TPMT: variants seen among roughly 807,000 people sequenced by gnomAD.
The protein encoded by TPMT is thiopurine S-methyltransferase, also known as S-adenosyl-L-methionine:thiopurine S-methyltransferase.
Under a neutral mutation model 34.2 loss-of-function variants are expected in TPMT, and 18 were observed. The ratio of observed to expected loss-of-function variants is 0.53; its 90% CI spans 0.36 to 0.78. The LOEUF is 0.78. Ranked by LOEUF, TPMT falls within the 30% of genes least tolerant of loss-of-function variation. TPMT has a pLI of 0.00. For synonymous variants in TPMT, 69 were observed against 92.4 expected, an observed-to-expected ratio of 0.75 and a Z score of 1.45; for missense variants, 265 against 288.1, an observed-to-expected ratio of 0.92 and a Z score of 0.58.
chr6:18,144,728 ATT>A, intron 3 of TPMT, among the ~76,000 whole-genome samples: 1 of 149,346 alleles, frequency 6.7e-6, no homozygotes, highest in East Asian at 2.0e-4. Context: ...CTCAAAAAAA[ATT>A]TTTTTTTTGA....
chr6:18,145,818 T>C lies in TPMT; in HGVS notation c.233+2005A>G, dbSNP rs1035315446. 6.6e-6 allele frequency among the ~76,000 whole-genome samples: 1 copy of C among 152,136 alleles called. No homozygotes were observed. The highest frequency in any genetic ancestry group is 2.4e-5 in the African/African-American group (1 of 41,438). ...AAATGAAGCATAGCCTACTACAACC[T>C]GTAATAAAAACAAAATAAGACCAAG... On this transcript the variant is annotated intron_variant, in intron 3 of 8. Coordinates refer to ENST00000309983, the MANE Select transcript of TPMT (RefSeq NM_000367.5). This position sits in a 1 kb window ranked among gnomAD's most constrained non-coding sequence, Gnocchi z 5.6.
At position 18,143,569 on chromosome 6, in the gene TPMT, C is replaced by T; in HGVS notation, c.366+27G>A. The stretch of plus-strand genomic sequence containing the variant: ...AAAAACTTTTGTGGGGATATGGATA[C>T]AATTATTTACCCAAATCAAAACAAA... On this transcript the variant is annotated intron_variant, in intron 4 of 8. Transcript: ENST00000309983. This position sits in a 1 kb window ranked among gnomAD's most constrained non-coding sequence, Gnocchi z 6.1. The T allele has an allele frequency of 6.2e-7, 1 of 1,611,598 alleles. No homozygotes were observed. The highest frequency in any genetic ancestry group is 8.5e-7 in the Non-Finnish European group (1 of 1,179,790).
rs1479618082 is a variant in TPMT at position 18,143,306 on chromosome 6, G to A, written c.366+290C>T. On this transcript the variant is annotated intron_variant, in intron 4 of 8. Transcript: ENST00000309983. The surrounding 1 kb of genome is among the most constrained non-coding windows in gnomAD (Gnocchi z 6.1). ...CTCTTCAATGTCTTAGGCAGGGTCT[G>A]GCACATGATGGGTTCTCAGAAAATG... Among the ~76,000 whole-genome samples the A allele has an allele frequency of 1.3e-5, 2 of 152,118 alleles. No homozygotes were observed. The highest frequency in any genetic ancestry group is 2.9e-5 in the Non-Finnish European group (2 of 68,018).
intron 4 of TPMT, among the ~76,000 whole-genome samples, chr6:18,142,790 C>T (rs1384938376): frequency 1.3e-5 from 2 of 152,108 alleles, no homozygotes; most frequent in Non-Finnish European, 2.9e-5. Flanking sequence ...TCTTGACCAT[C>T]CAGCCAGTCA....
rs756125755 is a variant in TPMT, at chr6:18,130,804, T to C, written c.626-24A>G. ...ACCTGAAACAAGAAAGAGTAACATG[T>C]TAAAATACTATGAAGAATGACATCA... On this transcript the variant is annotated intron_variant, in intron 8 of 8. Coordinates refer to ENST00000309983, the MANE Select transcript of TPMT (RefSeq NM_000367.5). The surrounding 1 kb of genome is among the most constrained non-coding windows in gnomAD (Gnocchi z 4.2). 6.4e-7 allele frequency: 1 copy of C among 1,558,702 alleles called. No homozygotes were observed. The highest frequency in any genetic ancestry group is 1.7e-5 in the Admixed American group (1 of 59,918).
At position 18,129,875 on chromosome 6, in the gene TPMT, C is replaced by T. The variant is rs1235038785; in HGVS notation, c.*793G>A. 6.6e-6 allele frequency: 1 copy of T among 152,030 alleles called. No homozygotes were observed. The highest frequency in any genetic ancestry group is 1.5e-5 in the Non-Finnish European group (1 of 67,984). The allele number at this position is 152,030 out of a possible 1,614,324, so 9.4% of individuals were successfully genotyped here. Reference sequence around the variant, plus strand: ...TGGAGAAACCATGTGAAAAGGGATGCTAGGATCTGAGTAAAAGACAAGGGT... The same window carrying T: ...TGGAGAAACCATGTGAAAAGGGATGTTAGGATCTGAGTAAAAGACAAGGGT... On this transcript the variant is annotated 3_prime_UTR_variant, in exon 9 of 9. Coordinates refer to ENST00000309983, the MANE Select transcript of TPMT (RefSeq NM_000367.5).
rs1379653899 is a variant in TPMT, at chr6:18,143,524, C to T, written c.366+72G>A. ...AACCATCGGACACATGAATGGTATC[C>T]TCATAATACTCACACTGAGAAAAAC... is the stretch of plus-strand genomic sequence containing the variant. On this transcript the variant is annotated intron_variant, in intron 4 of 8. Transcript: ENST00000309983. This position sits in a 1 kb window ranked among gnomAD's most constrained non-coding sequence, Gnocchi z 6.1. The T allele has an allele frequency of 8.2e-6, 13 of 1,582,978 alleles. No homozygotes were observed. Among genetic ancestry groups the T allele is most frequent in the African/African-American group, 2.7e-5 (2 of 74,212 alleles).
chr6:18,133,497 T>G (rs899878761), intron 7 of TPMT, among the ~76,000 whole-genome samples: 24 of 152,234 alleles, frequency 1.6e-4, no homozygotes, highest in Admixed American at 1.6e-3. Flanking sequence ...ACATTCCTCC[T>G]TCTTCCCAAT....
At chr6:18,142,811 A>G (rs574209800) in intron 4 of TPMT, among the ~76,000 whole-genome samples, 1 of 152,220 alleles carries the variant, frequency 6.6e-6, no homozygotes, top group African/African-American at 2.4e-5. Flanking sequence ...TCTGAGCCAG[A>G]AATGTGAACT....
In TPMT at chr6:18,130,715, C is replaced by T; in HGVS notation, c.691G>A (p.Gly231Arg). 1 of 1,613,150 alleles carries T rather than the reference C, an allele frequency of 6.2e-7. No homozygotes were observed. Among genetic ancestry groups the T allele is most frequent in the Non-Finnish European group, 8.5e-7 (1 of 1,179,898 alleles). Reference sequence around the variant, plus strand: ...AACTTTTCAAAAAGACAGTCAATTCCCCAACTTTTATGTCGTTCTTCAAAA... The same window carrying T: ...AACTTTTCAAAAAGACAGTCAATTCTCCAACTTTTATGTCGTTCTTCAAAA... ...DAFEERHKSWGIDCLFEKLYL... is the reference protein window; with the variant it reads ...DAFEERHKSWRIDCLFEKLYL... Residue 231 changes from glycine (G) to arginine (R), a missense_variant, in exon 9 of 9, where the codon GGA becomes AGA. Transcript: ENST00000309983. The surrounding 1 kb of genome is among the most constrained non-coding windows in gnomAD (Gnocchi z 4.2).
Position 18,130,797 on chromosome 6 carries a change from T to C in TPMT, c.626-17A>G, listed in dbSNP as rs1464667644. ...ATATTTTACCTGAAACAAGAAAGAG[T>C]AACATGTTAAAATACTATGAAGAAT... On this transcript the variant is annotated splice_polypyrimidine_tract_variant and intron_variant, in intron 8 of 8. Coordinates refer to ENST00000309983, the MANE Select transcript of TPMT (RefSeq NM_000367.5). This position sits in a 1 kb window ranked among gnomAD's most constrained non-coding sequence, Gnocchi z 4.2. 3 of 1,571,102 alleles carry C rather than the reference T, an allele frequency of 1.9e-6. No individual in the cohort carries two copies. The highest frequency in any genetic ancestry group is 2.6e-6 in the Non-Finnish European group (3 of 1,141,578).
chr6:18,155,082 C>T (rs1186028879), upstream of TPMT: 1 of 146,642 alleles, frequency 6.8e-6, no homozygotes, highest in African/African-American at 2.6e-5. The surrounding 1 kb of genome is among the most constrained non-coding windows in gnomAD (Gnocchi z 6.2). Flanking sequence ...AATGACGTCC[C>T]CAGGGGCGGG....
chr6:18,139,466 G>A lies in TPMT; in HGVS notation c.419+199C>T, dbSNP rs974484528. Among the ~76,000 whole-genome samples, 1 of 152,104 alleles carries A rather than the reference G, an allele frequency of 6.6e-6. No individual in the cohort carries two copies. Among genetic ancestry groups the A allele is most frequent in the Admixed American group, 6.6e-5 (1 of 15,266 alleles). On this transcript the variant is annotated intron_variant, in intron 5 of 8. Coordinates refer to ENST00000309983, the MANE Select transcript of TPMT (RefSeq NM_000367.5). The surrounding 1 kb of genome is among the most constrained non-coding windows in gnomAD (Gnocchi z 4.2). ...TAGCTGCCTCAGTTTCCCATAGTTT[G>A]GGAGCTAACCAAAGACAAAACACAT...
chr6:18,153,075 A>G lies in TPMT; in HGVS notation c.-45+1958T>C, dbSNP rs180784470. Among the ~76,000 whole-genome samples the G allele has an allele frequency of 7.2e-5, 11 of 152,282 alleles. No individual in the cohort carries two copies. Among genetic ancestry groups the G allele is most frequent in the Admixed American group, 5.9e-4 (9 of 15,290 alleles). On this transcript the variant is annotated intron_variant, in intron 1 of 8. Transcript: ENST00000309983. This position sits in a 1 kb window ranked among gnomAD's most constrained non-coding sequence, Gnocchi z 4.2. ...CATGGGTACTTTCCTCCTTTCATAA[A>G]TATTCATGAGTCATCCTACAGCTTA...
rs1230963978 is a variant in TPMT at position 18,143,108 on chromosome 6, T to G, written c.366+488A>C. Among the ~76,000 whole-genome samples the G allele has an allele frequency of 1.3e-5, 2 of 152,202 alleles. No individual in the cohort carries two copies. The highest frequency in any genetic ancestry group is 4.8e-5 in the African/African-American group (2 of 41,462). On this transcript the variant is annotated intron_variant, in intron 4 of 8. Coordinates refer to ENST00000309983, the MANE Select transcript of TPMT (RefSeq NM_000367.5). The surrounding 1 kb of genome is among the most constrained non-coding windows in gnomAD (Gnocchi z 6.1). ...ATTCCAGCTCTATCTGTCACCATGC[T>G]TCAGGAAGCACCGCCAGGTTGGGCA...
Position 18,154,181 on chromosome 6 carries a change from G to T in TPMT, c.-45+852C>A, listed in dbSNP as rs1784423942. 6.6e-6 allele frequency among the ~76,000 whole-genome samples: 1 copy of T among 152,094 alleles called. No individual in the cohort carries two copies. On this transcript the variant is annotated intron_variant, in intron 1 of 8. Coordinates refer to ENST00000309983, the MANE Select transcript of TPMT (RefSeq NM_000367.5). This position sits in a 1 kb window ranked among gnomAD's most constrained non-coding sequence, Gnocchi z 4.2. ...TCTTAGCTGTTCTAACAGTTTCTCAGCATGGACTCCACTTGTATACATCAT... is the reference window on the plus strand; with the variant it reads ...TCTTAGCTGTTCTAACAGTTTCTCATCATGGACTCCACTTGTATACATCAT...
intron 7 of TPMT, 71 bp downstream of exon 7, chr6:18,133,733 C>A (rs1222537963): frequency 3.6e-6 from 4 of 1,123,206 alleles, no homozygotes; most frequent in African/African-American, 1.6e-5. Flanking sequence ...TAATTCTTAT[C>A]CATGTCATAG....
In TPMT at chr6:18,131,306, T is replaced by C. The variant is rs1266067882; in HGVS notation, c.626-526A>G. Among the ~76,000 whole-genome samples, 4 of 152,108 alleles carry C rather than the reference T, an allele frequency of 2.6e-5. No homozygotes were observed. The highest frequency in any genetic ancestry group is 3.9e-4 in the East Asian group (2 of 5,184). On this transcript the variant is annotated intron_variant, in intron 8 of 8. Coordinates refer to ENST00000309983, the MANE Select transcript of TPMT (RefSeq NM_000367.5). The surrounding 1 kb of genome is among the most constrained non-coding windows in gnomAD (Gnocchi z 4.3). ...GTAAAAATAAATACACCACTGGGCA[T>C]GGCGGCTCATGCCTCTAATCCCAGT... is the stretch of plus-strand genomic sequence containing the variant.
rs748335791 is a variant in TPMT at position 18,149,074 on chromosome 6, T to C, written c.54A>G (p.Val18=). 9 of 1,614,078 alleles carry C rather than the reference T, an allele frequency of 5.6e-6. No individual in the cohort carries two copies. Among genetic ancestry groups the C allele is most frequent in the Non-Finnish European group, 7.6e-6 (9 of 1,180,036 alleles). The change falls in exon 2 of 9, where the codon GTA becomes GTG. Residue 18 remains valine (V), a synonymous_variant. Transcript: ENST00000309983. This position sits in a 1 kb window ranked among gnomAD's most constrained non-coding sequence, Gnocchi z 5.0. The part of the protein sequence containing the change: ...LDIEEYSDTE[V]QKNQVLTLEE... ...CCAGAGTTAGTACTTGGTTTTTCTG[T>C]ACCTCAGTATCCGAGTACTCTTCAA...
Sources: allele counts gnomAD v4.1 joint callset (sites outside exome capture counted in the v4.1 genomes callset), GRCh38; gene constraint gnomAD v4.1.1; non-coding constraint Gnocchi (gnomAD v3.1); transcripts MANE v1.5; gene names NCBI Gene and HGNC (gene_info 2026-07-23, HGNC 2026-07-21).